MTIF2: variants seen among roughly 807,000 people sequenced by gnomAD.
MTIF2 encodes mitochondrial translational initiation factor 2, also known as translation initiation factor IF-2, mitochondrial.
Under a neutral mutation model 83.5 loss-of-function variants are expected in MTIF2, and 71 were observed. The observed-to-expected ratio is 0.85, with a 90% CI of 0.70 to 1.04. MTIF2 has a LOEUF of 1.04. Ranked by LOEUF, MTIF2 falls within the 50% of genes least tolerant of loss-of-function variation. The pLI is 0.00. For missense variants in MTIF2, 957 were observed against 846.5 expected (o/e 1.13, Z -1.62); for synonymous variants, 319 against 287.1 (o/e 1.11, Z -1.12).
Position 55,262,341 on chromosome 2 carries a change from C to A in MTIF2, c.306G>T (p.Leu102=). ...EVWIGMTIEE[L]ARAMEKNTDY... ...CTGTGTTTTTTTCCATTGCCCTGGC[C>A]AGTTCCTCAATAGTCATTCCAATCC... Residue 102 remains leucine (L), a synonymous_variant, in exon 5 of 16, where the codon CTG becomes CTT. Transcript: ENST00000263629. The A allele has an allele frequency of 6.2e-7, 1 of 1,613,178 alleles. No individual in the cohort carries two copies.
intron 5 of MTIF2, among the ~76,000 whole-genome samples, chr2:55,259,798 G>T (rs1677820561): frequency 6.6e-6 from 1 of 152,082 alleles, no homozygotes; most frequent in Admixed American, 6.6e-5. Context: ...ACAAATATTA[G>T]CTGGGTGTGG....
At chr2:55,258,603 G>A (rs1376400054) in intron 5 of MTIF2, among the ~76,000 whole-genome samples, 1 of 152,116 alleles carries the variant, frequency 6.6e-6, no homozygotes, top group Non-Finnish European at 1.5e-5. Context: ...CCTGAGGTCA[G>A]GAGTTTGAGA....
At chr2:55,242,370 T>C (rs961305878) in intron 13 of MTIF2, among the ~76,000 whole-genome samples, 9 of 152,230 alleles carry the variant, frequency 5.9e-5, no homozygotes, top group Non-Finnish European at 1.2e-4. Flanking sequence ...ATGTTTTTGC[T>C]TTACTAGGTG....
intron 7 of MTIF2, among the ~76,000 whole-genome samples, chr2:55,253,545 G>A (rs1431063374): frequency 1.3e-5 from 2 of 152,110 alleles, no homozygotes; most frequent in African/African-American, 2.4e-5. Context: ...AGCCAGGCAC[G>A]ATGGCTCACA....
intron 14 of MTIF2, among the ~76,000 whole-genome samples, chr2:55,237,649 CTTT>C (rs536036933): frequency 1.2e-4 from 13 of 112,976 alleles, no homozygotes; most frequent in Admixed American, 2.2e-4. Flanking sequence ...TTCTTTTTTT[CTTT>C]TTTTTTTTTT....
chr2:55,241,111 C>T (rs1676270028), intron 13 of MTIF2, among the ~76,000 whole-genome samples: 1 of 151,284 alleles, frequency 6.6e-6, no homozygotes, highest in South Asian at 2.1e-4. Flanking sequence ...TTGTCTTAAA[C>T]AAAATGAATG....
At chr2:55,253,918 A>C in intron 7 of MTIF2, 123 bp downstream of exon 7, 1 of 1,036,850 alleles carries the variant, frequency 9.6e-7, no homozygotes, top group South Asian at 1.7e-5. Context: ...ATTTCATCAA[A>C]CTAATGACTG....
chr2:55,256,606 G>T lies in MTIF2; in HGVS notation c.332-1781C>A, dbSNP rs1271790476. ...TGTAGTCCCAGCTACTCGGGAGGCTGAGGAGAATTGCTTGAATCCGGGAGA... is the reference window on the plus strand; with the variant it reads ...TGTAGTCCCAGCTACTCGGGAGGCTTAGGAGAATTGCTTGAATCCGGGAGA... On this transcript the variant is annotated intron_variant, in intron 5 of 15. Transcript: ENST00000263629. Among the ~76,000 whole-genome samples the T allele has an allele frequency of 2.0e-5, 3 of 151,674 alleles. No individual in the cohort carries two copies. The East Asian group carries it at 5.9e-4, about 30-fold the overall frequency.
Position 55,237,368 on chromosome 2 carries a change from G to C in MTIF2, c.1931C>G (p.Ala644Gly). 6.2e-7 allele frequency: 1 copy of C among 1,612,880 alleles called. No homozygotes were observed. The highest frequency in any genetic ancestry group is 8.5e-7 in the Non-Finnish European group (1 of 1,179,878). ...VTEGKKKVPV[A>G]GCRVQKGQLE... ...CTGTCCCTTTTGGACTCTGCAGCCA[G>C]CCACAGGAACTTTTTTCTTCCCTTC... Residue 644 changes from alanine (A) to glycine (G), a missense_variant, in exon 15 of 16, where the codon GCT becomes GGT. Ala to Gly is a moderately conservative substitution (Grantham distance 60). Coordinates refer to ENST00000263629, the MANE Select transcript of MTIF2 (RefSeq NM_002453.3).
intron 5 of MTIF2, among the ~76,000 whole-genome samples, chr2:55,256,256 C>G (rs561744375): frequency 2.0e-4 from 30 of 151,586 alleles, no homozygotes; most frequent in Non-Finnish European, 3.5e-4. Flanking sequence ...AATAAATAAT[C>G]CACTTATAAT....
In MTIF2 at chr2:55,246,471, T is replaced by A; in HGVS notation, c.982-10A>T. On this transcript the variant is annotated splice_polypyrimidine_tract_variant and intron_variant, in intron 9 of 15. Transcript: ENST00000263629. Reference sequence around the variant, plus strand: ...CCATCAGATTATCGCCCTTTAACAATAACAAACGTTGTTAATACACATTAA... The same window carrying A: ...CCATCAGATTATCGCCCTTTAACAAAAACAAACGTTGTTAATACACATTAA... The A allele has an allele frequency of 6.2e-7, 1 of 1,609,382 alleles. No individual in the cohort carries two copies. Among genetic ancestry groups the A allele is most frequent in the Non-Finnish European group, 8.5e-7 (1 of 1,176,010 alleles).
intron 7 of MTIF2, among the ~76,000 whole-genome samples, chr2:55,253,167 T>C (rs1239547299): frequency 6.6e-6 from 1 of 152,214 alleles, no homozygotes; most frequent in Non-Finnish European, 1.5e-5. Flanking sequence ...CAACTATTAA[T>C]ACCTACCTTA....
chr2:55,268,185 A>G (rs962607507), intron 2 of MTIF2, among the ~76,000 whole-genome samples: 2 of 152,130 alleles, frequency 1.3e-5, no homozygotes, highest in South Asian at 2.1e-4. Flanking sequence ...CCCAGGAGGC[A>G]GAGACTGCAG....
intron 8 of MTIF2, among the ~76,000 whole-genome samples, chr2:55,250,514 A>G (rs1367688143): frequency 1.3e-5 from 2 of 152,168 alleles, no homozygotes; most frequent in African/African-American, 2.4e-5. Context: ...TTAAAACCCA[A>G]CATCTCATCC....
rs1307440837 is a variant in MTIF2, at chr2:55,254,061, T to G, written c.644A>C (p.Gln215Pro). Residue 215 changes from glutamine (Q) to proline (P), a missense_variant, in exon 7 of 16, where the codon CAG becomes CCG. This residue lies in a region of MTIF2 where 733 missense variants were observed against 648.7 expected (regional missense o/e 1.13). Transcript: ENST00000263629. ...CATACCAAGAAAGGCACCAATGTGC[T>G]GAGTGATGCCTCCAGTTTCCACTGC... The part of the protein sequence containing the change: ...VAAVETGGIT[Q>P]HIGAFLVSLP... 1.9e-6 allele frequency: 3 copies of G among 1,614,094 alleles called. No individual in the cohort carries two copies. Among genetic ancestry groups the G allele is most frequent in the Non-Finnish European group, 2.5e-6 (3 of 1,180,034 alleles).
chr2:55,246,388 T>C lies in MTIF2; in HGVS notation c.1055A>G (p.Asn352Ser), dbSNP rs978214306. ...TATTACTGTTCCTTCCACTGGACCA[T>C]TGGGATCTGCTTTCAATTCTAACAT... ...AEMLELKADPNGPVEGTVIES... is the reference protein window; with the variant it reads ...AEMLELKADPSGPVEGTVIES... Residue 352 changes from asparagine to serine, a missense_variant, in exon 10 of 16, where the codon AAT (asparagine) becomes AGT (serine). This residue lies in a region of MTIF2 where 733 missense variants were observed against 648.7 expected (regional missense o/e 1.13). Coordinates refer to ENST00000263629, the MANE Select transcript of MTIF2 (RefSeq NM_002453.3). 6 of 1,613,754 alleles carry C rather than the reference T, an allele frequency of 3.7e-6. No homozygotes were observed. The highest frequency in any genetic ancestry group is 2.2e-5 in the East Asian group (1 of 44,862).
chr2:55,263,824 A>G lies in MTIF2; in HGVS notation c.35T>C (p.Leu12Pro). Residue 12 changes from leucine to proline, a missense_variant, in exon 4 of 16, where the codon CTA becomes CCA. By Grantham distance (98) the Leu-to-Pro change is moderately conservative. Around this residue, in one of 3 missense-constraint regions of MTIF2, gnomAD observed 733 missense variants for 648.7 expected, o/e 1.13. Coordinates refer to ENST00000263629, the MANE Select transcript of MTIF2 (RefSeq NM_002453.3). ...NQKLLKLENL[L>P]RFHTIYRQLH... is the part of the protein sequence containing the mutation. ...TTGCCTATAAATAGTGTGAAATCGT[A>G]GCAAGTTCTCCAACTTCAGTAGCTT... 1 of 1,614,068 alleles carries G rather than the reference A, an allele frequency of 6.2e-7. No individual in the cohort carries two copies. The highest frequency in any genetic ancestry group is 8.5e-7 in the Non-Finnish European group (1 of 1,180,008).
chr2:55,254,925 G>A, intron 5 of MTIF2, 100 bp from the exon 6 acceptor site: 1 of 592,118 alleles, frequency 1.7e-6, no homozygotes. Flanking sequence ...CTCAATGAGA[G>A]GAATAACTAT....
intron 14 of MTIF2, 100 bp downstream of exon 14, chr2:55,239,911 C>T: frequency 1.9e-6 from 2 of 1,067,708 alleles, no homozygotes; most frequent in Non-Finnish European, 2.6e-6. Context: ...CAGGATATAT[C>T]TTTCAACATT....
Sources: gnomAD v4.1 joint callset for allele counts (sites outside exome capture counted in the v4.1 genomes callset) on GRCh38, gnomAD v4.1.1 for gene constraint, gnomAD v4.1.1 regional missense constraint, MANE v1.5 for transcripts, NCBI Gene and HGNC (gene_info 2026-07-23, HGNC 2026-07-21) for gene names.